Variants in ITGA2B observed in about 807,000 individuals in gnomAD.
ITGA2B encodes the protein integrin subunit alpha 2b.
A neutral mutation model predicts 142.0 loss-of-function variants in ITGA2B; 91 were observed. The observed-to-expected ratio is 0.64, with a 90% CI of 0.54 to 0.76. The LOEUF (loss-of-function observed/expected upper bound fraction) is 0.76, where lower values mean the gene tolerates loss of function less well. Ranked by LOEUF, ITGA2B falls within the 30% of genes least tolerant of loss-of-function variation. The probability of loss-of-function intolerance (pLI) is 0.00; values close to 1 mark genes in which losing one functional copy is unlikely to be tolerated. For synonymous variants in ITGA2B, 536 were observed against 567.2 expected, an observed-to-expected ratio of 0.94 and a Z score of 0.78; for missense variants, 1,231 against 1,350.8, an observed-to-expected ratio of 0.91 and a Z score of 1.39.
intron 20 of ITGA2B, 140 bp from the exon 21 acceptor site, chr17:44,377,930 C>T: frequency 1.5e-6 from 1 of 688,956 alleles, no homozygotes; most frequent in Non-Finnish European, 2.6e-6. Flanking sequence ...GGGACTGTCA[C>T]ATGCTAGTGT....
Position 44,375,736 on chromosome 17 carries a change from G to A in ITGA2B, c.2602-20C>T, listed in dbSNP as rs766537791. ...GTCCACCTGGGGGGGCAAAGGAGTG[G>A]TCAGGCCCAGGTCTCCCCCGAACCC... On this transcript the variant is annotated intron_variant, in intron 25 of 29. Transcript: ENST00000262407. 9.0e-6 allele frequency: 14 copies of A among 1,564,202 alleles called. No homozygotes were observed. Among genetic ancestry groups the A allele is most frequent in the Non-Finnish European group, 1.2e-5 (14 of 1,154,112 alleles).
rs1352394925 is a variant in ITGA2B at position 44,385,543 on chromosome 17, G to T, written c.574+8C>A. On this transcript the variant is annotated splice_region_variant and intron_variant, in intron 4 of 29. Coordinates refer to ENST00000262407, the MANE Select transcript of ITGA2B (RefSeq NM_000419.5). ...AGTGGGCGGGGCCAGGTCGTAGCTG[G>T]CGCTTACTAAAATCATTTTCCACGT... The T allele has an allele frequency of 1.9e-6, 3 of 1,556,048 alleles. No homozygotes were observed. Among genetic ancestry groups the T allele is most frequent in the Non-Finnish European group, 2.6e-6 (3 of 1,156,294 alleles).
chr17:44,381,021 C>T lies in ITGA2B; in HGVS notation c.1251G>A (p.Arg417=), dbSNP rs2048592462. The T allele has an allele frequency of 6.2e-7, 1 of 1,613,422 alleles. No homozygotes were observed. The highest frequency in any genetic ancestry group is 1.1e-5 in the South Asian group (1 of 90,984). Residue 417 remains arginine, a synonymous_variant, in exon 13 of 30, where the codon CGG becomes CGA. Coordinates refer to ENST00000262407, the MANE Select transcript of ITGA2B (RefSeq NM_000419.5). ...GACCCAGGAACACCAGCACTTGGCC[C>T]CGGCCACTGGGACCCCCGTAGGGGG... ...VAAPYGGPSG[R]GQVLVFLGQS... is the part of the protein sequence containing the mutation.
Position 44,379,837 on chromosome 17 carries a change from G to A in ITGA2B, c.1753-23C>T, listed in dbSNP as rs553643456. ...ATCCTAGGACAGGGGCAAGAGTCAGGCCATCTTGCTACCATACACATCCCA... is the reference window on the plus strand; with the variant it reads ...ATCCTAGGACAGGGGCAAGAGTCAGACCATCTTGCTACCATACACATCCCA... On this transcript the variant is annotated intron_variant, in intron 17 of 29. Coordinates refer to ENST00000262407, the MANE Select transcript of ITGA2B (RefSeq NM_000419.5). The A allele has an allele frequency of 5.0e-6, 8 of 1,613,584 alleles. No homozygotes were observed. In the South Asian group the frequency reaches 8.8e-5, roughly 18 times the overall value.
rs2048646239 is a variant in ITGA2B at position 44,386,062 on chromosome 17, C to G, written c.258G>C (p.Leu86=). The change falls in exon 2 of 30, where the codon CTG becomes CTC. Residue 86 remains leucine, a synonymous_variant. Coordinates refer to ENST00000262407, the MANE Select transcript of ITGA2B (RefSeq NM_000419.5). The part of the protein sequence containing the change: ...PSQEETGGVF[L]CPWRAEGGQC... ...GGCCGCCCTCGGCCCTCCAGGGGCACAGGAACACGCCGCCCGTCTCCTCCT... is the reference window on the plus strand; with the variant it reads ...GGCCGCCCTCGGCCCTCCAGGGGCAGAGGAACACGCCGCCCGTCTCCTCCT... 4 of 1,612,294 alleles carry G rather than the reference C, an allele frequency of 2.5e-6. No homozygotes were observed. The highest frequency in any genetic ancestry group is 3.4e-6 in the Non-Finnish European group (4 of 1,179,842).
Position 44,372,265 on chromosome 17 carries a change from G to A in ITGA2B, c.*99C>T, listed in dbSNP as rs1474151158. The A allele has an allele frequency of 8.0e-7, 1 of 1,250,976 alleles. No homozygotes were observed. The highest frequency in any genetic ancestry group is 1.2e-6 in the Non-Finnish European group (1 of 855,658). The allele number at this position is 1,250,976 out of a possible 1,614,324, so 77.5% of individuals were successfully genotyped here. ...GGAAACGACACCAAGAGGACCCAAT[G>A]GAACAGCTCCAACCCAAAGCTTGGA... is the stretch of plus-strand genomic sequence containing the variant. On this transcript the variant is annotated 3_prime_UTR_variant, in exon 30 of 30. Coordinates refer to ENST00000262407, the MANE Select transcript of ITGA2B (RefSeq NM_000419.5).
In ITGA2B at chr17:44,380,481, T is replaced by C; in HGVS notation, c.1449A>G (p.Pro483=). The part of the protein sequence containing the change: ...ANQVAVYRAQ[P]VVKASVQLLV... The stretch of plus-strand genomic sequence containing the variant: ...GTAGCTGGACAGAGGCCTTCACCAC[T>C]GGCTGAGCTCTGATGGGATAGGGTG... The change falls in exon 15 of 30, where the codon CCA becomes CCG. Residue 483 remains proline (P), a synonymous_variant. Coordinates refer to ENST00000262407, the MANE Select transcript of ITGA2B (RefSeq NM_000419.5). 1.2e-6 allele frequency: 2 copies of C among 1,614,128 alleles called. No homozygotes were observed. The highest frequency in any genetic ancestry group is 1.7e-6 in the Non-Finnish European group (2 of 1,179,994).
chr17:44,373,427 C>T (rs1351841258), intron 29 of ITGA2B, among the ~76,000 whole-genome samples: 1 of 152,172 alleles, frequency 6.6e-6, no homozygotes, highest in Non-Finnish European at 1.5e-5. Context: ...TGAGCCACCA[C>T]GCCCAGCCTG....
chr17:44,383,665 C>T lies in ITGA2B; in HGVS notation c.1038G>A (p.Glu346=). ...CGGCCAGTTTTCGGTCTGCCCGGCT[C>T]TCCATATACAGTGGAGCGCCCACCA... is the stretch of plus-strand genomic sequence containing the variant. ...DLLVGAPLYM[E]SRADRKLAEV... is the part of the protein sequence containing the mutation. The change falls in exon 12 of 30, where the codon GAG becomes GAA. Residue 346 remains glutamate (E), a synonymous_variant. Coordinates refer to ENST00000262407, the MANE Select transcript of ITGA2B (RefSeq NM_000419.5). 7.5e-6 allele frequency: 12 copies of T among 1,593,364 alleles called. No individual in the cohort carries two copies. Among genetic ancestry groups the T allele is most frequent in the Non-Finnish European group, 1.0e-5 (12 of 1,169,798 alleles).
At position 44,385,535 on chromosome 17, in the gene ITGA2B, C is replaced by A. The variant is rs1368513362; in HGVS notation, c.574+16G>T. The A allele has an allele frequency of 1.3e-6, 2 of 1,546,318 alleles. No individual in the cohort carries two copies. Among genetic ancestry groups the A allele is most frequent in the East Asian group, 2.4e-5 (1 of 41,608 alleles). On this transcript the variant is annotated intron_variant, in intron 4 of 29. Coordinates refer to ENST00000262407, the MANE Select transcript of ITGA2B (RefSeq NM_000419.5). ...CCGTCGCGAGTGGGCGGGGCCAGGT[C>A]GTAGCTGGCGCTTACTAAAATCATT...
At position 44,380,151 on chromosome 17, in the gene ITGA2B, G is replaced by A. The variant is rs768262173; in HGVS notation, c.1603C>T (p.Leu535=). Residue 535 remains leucine (L), a splice_region_variant and synonymous_variant, in exon 17 of 30, where the codon CTA becomes TTA. Transcript: ENST00000262407. The part of the protein sequence containing the change: ...TGHNIPQKLS[L]NAELQLDRQK... ...CGGTCCAGCTGCAGCTCGGCATTTA[G>A]GGCTGGCAGGGCAAGCAGAAGAGTC... The A allele has an allele frequency of 3.1e-6, 5 of 1,613,680 alleles. No individual in the cohort carries two copies. In the South Asian group the frequency reaches 5.5e-5, roughly 18 times the overall value.
intron 1 of ITGA2B, among the ~76,000 whole-genome samples, chr17:44,388,268 A>G (rs999789287): frequency 3.3e-5 from 5 of 152,062 alleles, no homozygotes; most frequent in Non-Finnish European, 5.9e-5. Flanking sequence ...GGGAAATGGA[A>G]CAGAAATGCA....
chr17:44,382,100 C>G (rs1235633969), intron 12 of ITGA2B, among the ~76,000 whole-genome samples: 1 of 152,004 alleles, frequency 6.6e-6, no homozygotes, highest in Non-Finnish European at 1.5e-5. Context: ...AAGAGGTTTC[C>G]TTCCTTCACC....
intron 29 of ITGA2B, among the ~76,000 whole-genome samples, chr17:44,373,450 T>C (rs1325046793): frequency 6.6e-6 from 1 of 152,200 alleles, no homozygotes; most frequent in Non-Finnish European, 1.5e-5. Flanking sequence ...ATTTTTCTTA[T>C]ACTGAAGTTT....
intron 3 of ITGA2B, 47 bp downstream of exon 3, chr17:44,385,777 T>C (rs2048643042): frequency 6.2e-7 from 1 of 1,611,890 alleles, no homozygotes; most frequent in Non-Finnish European, 8.5e-7. Flanking sequence ...TGGCCCCAGG[T>C]GTCCCTGCCC....
chr17:44,372,374 T>C lies in ITGA2B; in HGVS notation c.3110A>G (p.Glu1037Gly), dbSNP rs774585072. The change falls in exon 30 of 30, where the codon GAG (glutamate) becomes GGG (glycine). Residue 1037 changes from glutamate (E) to glycine (G), a missense_variant. Physicochemically the swap from Glu to Gly is moderately conservative, Grantham distance 98. Coordinates refer to ENST00000262407, the MANE Select transcript of ITGA2B (RefSeq NM_000419.5). ...GTGTAGGCTGCACCATCACTCCCCC[T>C]CTTCATCATCTTCTTCCAGGGGTGG... ...NRPPLEEDDE[E>G]GE 10 of 1,613,904 alleles carry C rather than the reference T, an allele frequency of 6.2e-6. No homozygotes were observed. The highest frequency in any genetic ancestry group is 5.3e-5 in the African/African-American group (4 of 74,854).
In ITGA2B at chr17:44,372,394, G is replaced by A. The variant is rs1393382106; in HGVS notation, c.3090C>T (p.Pro1030=). The A allele has an allele frequency of 1.2e-6, 2 of 1,614,082 alleles. No individual in the cohort carries two copies. Among genetic ancestry groups the A allele is most frequent in the South Asian group, 2.2e-5 (2 of 91,076 alleles). The change falls in exon 30 of 30, where the codon CCC becomes CCT. Residue 1030 remains proline (P), a synonymous_variant. Transcript: ENST00000262407. ...KVGFFKRNRP[P]LEEDDEEGE is the part of the protein sequence containing the mutation. ...CCCCCTCTTCATCATCTTCTTCCAG[G>A]GGTGGCCGGTTCCGCTTGAAGAAGC...
intron 27 of ITGA2B, 89 bp from the exon 28 acceptor site, chr17:44,374,849 C>T (rs1486801037): frequency 3.0e-6 from 4 of 1,333,456 alleles, no homozygotes; most frequent in Non-Finnish European, 4.2e-6. Flanking sequence ...GCGGGGAAGC[C>T]CTGCCTCTGA....
Position 44,374,461 on chromosome 17 carries a change from G to C in ITGA2B, c.2953C>G (p.Gln985Glu). The C allele has an allele frequency of 5.6e-6, 9 of 1,614,080 alleles. No individual in the cohort carries two copies. Among genetic ancestry groups the C allele is most frequent in the Non-Finnish European group, 6.8e-6 (8 of 1,179,970 alleles). ...LPRGEAQVWT[Q>E]LLRALEERAI... ...CTCTCCTCCAAGGCCCGGAGCAGCT[G>C]TGTCCACACCTGGGGGCAAACCCAC... Residue 985 changes from glutamine (Q) to glutamate (E), a missense_variant, in exon 29 of 30, where the codon CAG becomes GAG. By Grantham distance (29) the Gln-to-Glu change is conservative. Transcript: ENST00000262407.
Sources: allele counts gnomAD v4.1 joint callset (sites outside exome capture counted in the v4.1 genomes callset), GRCh38; gene constraint gnomAD v4.1.1; transcripts MANE v1.5; gene names NCBI Gene and HGNC (gene_info 2026-07-23, HGNC 2026-07-21).